Variants in EPM2A observed in about 807,000 individuals in gnomAD.
The protein encoded by EPM2A is laforin.
EPM2A carries 21 observed loss-of-function variants against 26.5 expected under a neutral mutation model. That is an observed-to-expected ratio of 0.79 (90% CI 0.56 to 1.14). EPM2A has a LOEUF of 1.14. Among genes scored for constraint, EPM2A ranks in the 50% most tolerant of loss-of-function variants. EPM2A has a pLI of 0.00. For synonymous variants in EPM2A, 217 were observed against 177.6 expected, an observed-to-expected ratio of 1.22 and a Z score of -1.76; for missense variants, 458 against 440.8, an observed-to-expected ratio of 1.04 and a Z score of -0.35.
At chr6:145,530,105 T>TC (rs1780333480) in intron 2 of EPM2A, among the ~76,000 whole-genome samples, 1 of 152,140 alleles carries the variant, frequency 6.6e-6, no homozygotes, top group African/African-American at 2.4e-5. Flanking sequence ...ATCTGCTCCT[T>TC]CCTCTGCCCA....
At chr6:145,404,863 G>T (rs534692046) in intron 4 of EPM2A, among the ~76,000 whole-genome samples, 1 of 151,998 alleles carries the variant, frequency 6.6e-6, no homozygotes, top group Non-Finnish European at 1.5e-5. Context: ...CTTGAATATT[G>T]CAGATTTAAA....
chr6:145,508,454 A>C (rs946222158), intron 2 of EPM2A, among the ~76,000 whole-genome samples: 5 of 152,230 alleles, frequency 3.3e-5, no homozygotes, highest in African/African-American at 1.2e-4. Flanking sequence ...AAGACACTGC[A>C]TATCTGCAAC....
rs1328608500 is a variant in EPM2A at position 145,466,985 on chromosome 6, G to A, written c.555+35537C>T. 2.0e-5 allele frequency among the ~76,000 whole-genome samples: 3 copies of A among 152,252 alleles called. No homozygotes were observed. The South Asian group carries it at 6.2e-4, about 32-fold the overall frequency. On this transcript the variant is annotated intron_variant, in intron 4 of 4. Transcript: ENST00000638717. ...AGGAAGGGGAACATCACACTCTGGG[G>A]ACTCTTGTGGGGCGGTGGGAGTGGA...
chr6:145,595,117 T>A (rs1272506325), intron 2 of EPM2A, among the ~76,000 whole-genome samples: 1 of 151,574 alleles, frequency 6.6e-6, no homozygotes, highest in African/African-American at 2.4e-5. Flanking sequence ...TCTCTTTTTT[T>A]AATCATTTGT....
chr6:145,384,047 C>T (rs1778224962), exon 5 of EPM2A: 1 of 151,860 alleles, frequency 6.6e-6, no homozygotes, highest in South Asian at 2.1e-4. Flanking sequence ...AGCATTGGTC[C>T]TTTCTGTATG....
intron 1 of EPM2A, among the ~76,000 whole-genome samples, chr6:145,708,309 A>G (rs1413181913): frequency 6.6e-6 from 1 of 152,230 alleles, no homozygotes; most frequent in East Asian, 1.9e-4. Flanking sequence ...GTTAATCACC[A>G]AGACAATGGG....
At chr6:145,665,926 T>A (rs1171799548) in intron 2 of EPM2A, among the ~76,000 whole-genome samples, 2 of 151,220 alleles carry the variant, frequency 1.3e-5, no homozygotes, top group Non-Finnish European at 2.9e-5. Flanking sequence ...CATTATTATC[T>A]CAATAGATGC....
At chr6:145,415,783 C>T (rs752725999) in intron 4 of EPM2A, among the ~76,000 whole-genome samples, 1 of 152,174 alleles carries the variant, frequency 6.6e-6, no homozygotes, top group Non-Finnish European at 1.5e-5. Context: ...CCTCTGCCTC[C>T]CACCAGCTTT....
At chr6:145,477,312 C>T (rs531453262) in intron 4 of EPM2A, among the ~76,000 whole-genome samples, 6 of 151,850 alleles carry the variant, frequency 4.0e-5, no homozygotes, top group African/African-American at 1.2e-4. Context: ...AAGAAAAGCC[C>T]AGGACCTGAT....
chr6:145,639,155 T>C (rs1208045580), intron 2 of EPM2A: 1 of 152,212 alleles, frequency 6.6e-6, no homozygotes, highest in Non-Finnish European at 1.5e-5. Flanking sequence ...GAATAGAAGT[T>C]ATAGCTTACA....
intron 4 of EPM2A, among the ~76,000 whole-genome samples, chr6:145,426,164 C>A (rs995650396): frequency 1.3e-5 from 2 of 152,118 alleles, no homozygotes; most frequent in African/African-American, 4.8e-5. Flanking sequence ...AGAAAAGAAC[C>A]AATTCACTAT....
At chr6:145,723,709 T>C (rs1263475070) in intron 1 of EPM2A, among the ~76,000 whole-genome samples, 1 of 152,112 alleles carries the variant, frequency 6.6e-6, no homozygotes, top group Non-Finnish European at 1.5e-5. Context: ...ATGATATAAA[T>C]GCCATGGATT....
intron 4 of EPM2A, among the ~76,000 whole-genome samples, chr6:145,488,029 T>A (rs941547386): frequency 6.6e-6 from 1 of 152,138 alleles, no homozygotes; most frequent in African/African-American, 2.4e-5. Flanking sequence ...TTTACTTTTC[T>A]GCTTATGGCT....
chr6:145,390,464 A>T (rs1279371822), intron 4 of EPM2A, among the ~76,000 whole-genome samples: 1 of 152,180 alleles, frequency 6.6e-6, no homozygotes, highest in Middle Eastern at 3.4e-3. Flanking sequence ...TTTTCTGCCA[A>T]ACTTGTCTGG....
At chr6:145,656,172 A>C (rs1002265251) in intron 2 of EPM2A, among the ~76,000 whole-genome samples, 1 of 152,254 alleles carries the variant, frequency 6.6e-6, no homozygotes, top group Non-Finnish European at 1.5e-5. Flanking sequence ...TACAGCACTC[A>C]CTTCCTCCAC....
At chr6:145,732,234 T>TGC (rs754610213) in intron 1 of EPM2A, among the ~76,000 whole-genome samples, 40 of 111,724 alleles carry the variant, frequency 3.6e-4, no homozygotes, top group African/African-American at 7.5e-4. Context: ...TGTGTGTGTG[T>TGC]GTGCGCGCCA....
At chr6:145,443,141 A>T (rs1305314707) in intron 4 of EPM2A, among the ~76,000 whole-genome samples, 3 of 151,762 alleles carry the variant, frequency 2.0e-5, no homozygotes, top group Non-Finnish European at 2.9e-5. Flanking sequence ...AAAGTGCTGT[A>T]ATTACAGGTG....
intron 4 of EPM2A, among the ~76,000 whole-genome samples, chr6:145,436,326 A>C (rs1778987942): frequency 6.6e-6 from 1 of 152,206 alleles, no homozygotes; most frequent in African/African-American, 2.4e-5. Flanking sequence ...TTTTGTGTGA[A>C]CGTATCTTTT....
intron 2 of EPM2A, among the ~76,000 whole-genome samples, chr6:145,572,023 C>T (rs1041738796): frequency 1.6e-4 from 24 of 152,322 alleles, no homozygotes; most frequent in Admixed American, 8.5e-4. Flanking sequence ...TCTTCCAAGT[C>T]GCTGACCATC....
Sources: gnomAD v4.1 joint callset for allele counts (sites outside exome capture counted in the v4.1 genomes callset) on GRCh38, gnomAD v4.1.1 for gene constraint, MANE v1.5 for transcripts, NCBI Gene and HGNC (gene_info 2026-07-23, HGNC 2026-07-21) for gene names.